LRFN2: variants seen among roughly 807,000 people sequenced by gnomAD.
LRFN2 encodes the protein leucine-rich repeat and fibronectin type-III domain-containing protein 2.
In LRFN2, 18 loss-of-function variants were observed where a neutral mutation model predicts 37.3. The observed-to-expected ratio is 0.48, with a 90% confidence interval of 0.33 to 0.72. The LOEUF is 0.72. Among genes scored for constraint, LRFN2 ranks in the 30% least tolerant of loss-of-function variants. LRFN2 has a pLI of 0.02. For synonymous variants in LRFN2, 556 were observed against 466.6 expected (o/e 1.19, Z -2.47); for missense variants, 1,006 against 1,060.7 (o/e 0.95, Z 0.72).
In LRFN2 at chr6:40,432,971, G is replaced by A. The variant is rs760744849; in HGVS notation, c.143C>T (p.Pro48Leu). ...CTCCACTGTCCGCCGGTCAATATCA[G>A]GGGGTACAAAGAGCAGCCCCTTGGA... ...CPSKGLLFVPPDIDRRTVELR... is the reference protein window; with the variant it reads ...CPSKGLLFVPLDIDRRTVELR... The change falls in exon 2 of 3, where the codon CCT becomes CTT. Residue 48 changes from proline to leucine, a missense_variant. Pro to Leu is a moderately conservative substitution (Grantham distance 98). Transcript: ENST00000338305. The A allele has an allele frequency of 1.2e-6, 2 of 1,613,240 alleles. No homozygotes were observed. The highest frequency in any genetic ancestry group is 1.7e-6 in the Non-Finnish European group (2 of 1,179,466).
At chr6:40,479,619 G>A (rs1388781493) in intron 1 of LRFN2, among the ~76,000 whole-genome samples, 1 of 152,190 alleles carries the variant, frequency 6.6e-6, no homozygotes, top group Non-Finnish European at 1.5e-5. Context: ...ATAATCCTGA[G>A]TGGGTTTTGC....
At chr6:40,423,517 A>G (rs985807934) in intron 2 of LRFN2, among the ~76,000 whole-genome samples, 1 of 152,218 alleles carries the variant, frequency 6.6e-6, no homozygotes, top group Non-Finnish European at 1.5e-5. Context: ...TTCTCATTTT[A>G]CATATAAGAA....
intron 1 of LRFN2, among the ~76,000 whole-genome samples, chr6:40,562,777 TA>T (rs972595002): frequency 5.9e-5 from 9 of 151,868 alleles, no homozygotes; most frequent in Non-Finnish European, 1.0e-4. Context: ...AATTGACTCC[TA>T]AGCCTCCATG....
At chr6:40,481,286 T>C (rs906156779) in intron 1 of LRFN2, among the ~76,000 whole-genome samples, 1 of 151,736 alleles carries the variant, frequency 6.6e-6, no homozygotes, top group African/African-American at 2.4e-5. Context: ...AAATACAAAA[T>C]TGGCCAGGCA....
chr6:40,506,603 G>T (rs1239283617), intron 1 of LRFN2, among the ~76,000 whole-genome samples: 1 of 152,152 alleles, frequency 6.6e-6, no homozygotes, highest in Non-Finnish European at 1.5e-5. Flanking sequence ...ATGCTGGCGG[G>T]TTCCCCAGGC....
chr6:40,510,407 C>A (rs929476075), intron 1 of LRFN2, among the ~76,000 whole-genome samples: 1 of 152,196 alleles, frequency 6.6e-6, no homozygotes, highest in African/African-American at 2.4e-5. Context: ...ATCTGAAGTC[C>A]CCCTGTCTTT....
intron 1 of LRFN2, among the ~76,000 whole-genome samples, chr6:40,547,906 G>A (rs1252307633): frequency 2.6e-5 from 4 of 152,070 alleles, no homozygotes; most frequent in Admixed American, 2.6e-4. Flanking sequence ...GTTTCTCTAT[G>A]CCATCCCCAC....
At chr6:40,552,738 G>T (rs1024972684) in intron 1 of LRFN2, among the ~76,000 whole-genome samples, 1 of 151,958 alleles carries the variant, frequency 6.6e-6, no homozygotes, top group Non-Finnish European at 1.5e-5. Context: ...AAAAGGAAAG[G>T]AAGAAAAACA....
At position 40,413,520 on chromosome 6, in the gene LRFN2, C is replaced by T. The variant is rs79057142; in HGVS notation, c.1400+18194G>A. Among the ~76,000 whole-genome samples, 454 of 152,306 alleles carry T rather than the reference C, an allele frequency of 3.0e-3. 3 individuals are homozygous for T. Among genetic ancestry groups the T allele is most frequent in the Non-Finnish European group, 4.2e-3 (286 of 68,024 alleles). ...CTGTGCTGTCTCTAGGGCTGAACCA[C>T]GACCCGGTTTCCTTTCAGTCTGGGA... On this transcript the variant is annotated intron_variant, in intron 2 of 2. Transcript: ENST00000338305.
At chr6:40,462,054 A>C (rs746936001) in intron 1 of LRFN2, among the ~76,000 whole-genome samples, 3 of 152,252 alleles carry the variant, frequency 2.0e-5, no homozygotes, top group Admixed American at 6.5e-5. Context: ...TGCAATTTAC[A>C]CATACCTTTG....
chr6:40,548,127 G>A (rs749705806), intron 1 of LRFN2, among the ~76,000 whole-genome samples: 2 of 152,082 alleles, frequency 1.3e-5, no homozygotes, highest in East Asian at 3.9e-4. Flanking sequence ...ATTTTTACAG[G>A]GGAGTAAAAC....
intron 1 of LRFN2, among the ~76,000 whole-genome samples, chr6:40,557,917 T>C (rs536447466): frequency 2.0e-5 from 3 of 152,376 alleles, no homozygotes; most frequent in Non-Finnish European, 2.9e-5. Context: ...TGTTATTTCA[T>C]TGCACGGAAG....
intron 1 of LRFN2, among the ~76,000 whole-genome samples, chr6:40,540,199 C>T (rs1300956228): frequency 1.3e-5 from 2 of 152,124 alleles, no homozygotes; most frequent in African/African-American, 4.8e-5. Context: ...CAGGTGCGTG[C>T]GGGGAAATAC....
chr6:40,570,679 T>C (rs1767172083), intron 1 of LRFN2, among the ~76,000 whole-genome samples: 1 of 152,094 alleles, frequency 6.6e-6, no homozygotes, highest in Non-Finnish European at 1.5e-5. Flanking sequence ...AACTTTAGAG[T>C]GGGAGTGGTC....
At chr6:40,544,172 A>C (rs1766608748) in intron 1 of LRFN2, among the ~76,000 whole-genome samples, 1 of 152,228 alleles carries the variant, frequency 6.6e-6, no homozygotes, top group Non-Finnish European at 1.5e-5. Flanking sequence ...GTGTGCTGCG[A>C]GCGCACCAGG....
At chr6:40,577,430 C>T (rs1767307863) in intron 1 of LRFN2, among the ~76,000 whole-genome samples, 1 of 152,182 alleles carries the variant, frequency 6.6e-6, no homozygotes, top group African/African-American at 2.4e-5. Flanking sequence ...GCCCCAAATA[C>T]TTTCCAAGCT....
intron 1 of LRFN2, among the ~76,000 whole-genome samples, chr6:40,576,931 C>A (rs143096758): frequency 2.0e-5 from 3 of 152,002 alleles, no homozygotes; most frequent in African/African-American, 7.2e-5. Context: ...CATGTCCCAC[C>A]CTAGATACTG....
intron 2 of LRFN2, among the ~76,000 whole-genome samples, chr6:40,395,313 C>T (rs553708772): frequency 5.3e-5 from 8 of 152,322 alleles, no homozygotes; most frequent in East Asian, 1.9e-4. Context: ...TCTGGGTCCA[C>T]GGTCTGGGCT....
chr6:40,409,347 C>T (rs755017236), intron 2 of LRFN2, among the ~76,000 whole-genome samples: 30 of 152,184 alleles, frequency 2.0e-4, no homozygotes, highest in Non-Finnish European at 3.2e-4. Flanking sequence ...AGTCACTTCC[C>T]ATGTTTGAGC....
Sources: allele counts gnomAD v4.1 joint callset (sites outside exome capture counted in the v4.1 genomes callset), GRCh38; gene constraint gnomAD v4.1.1; transcripts MANE v1.5; gene names NCBI Gene and HGNC (gene_info 2026-07-23, HGNC 2026-07-21).